Variants in CSMD1 observed in about 807,000 individuals in gnomAD.
CSMD1 encodes CUB and sushi domain-containing protein 1.
CSMD1 carries 213 observed loss-of-function variants against 417.5 expected under a neutral mutation model. The observed-to-expected ratio is 0.51, with a 90% CI of 0.46 to 0.57. The LOEUF (loss-of-function observed/expected upper bound fraction) is 0.57. Among genes scored for constraint, CSMD1 ranks in the 20% least tolerant of loss-of-function variants. The pLI is 0.00. For missense variants in CSMD1, 6,923 were observed against 4,529.7 expected (o/e 1.53, Z -15.17); for synonymous variants, 2,862 against 1,736.8 (o/e 1.65, Z -16.11).
chr8:3,479,863 G>GA (rs999907948), intron 11 of CSMD1, among the ~76,000 whole-genome samples: 9 of 150,896 alleles, frequency 6.0e-5, no homozygotes, highest in African/African-American at 1.7e-4. Flanking sequence ...GCAAACAGAT[G>GA]AAAAAAAACG....
At chr8:4,295,293 T>G in intron 3 of CSMD1, among the ~76,000 whole-genome samples, 1 of 108,518 alleles carries the variant, frequency 9.2e-6, no homozygotes, top group South Asian at 3.4e-4. Flanking sequence ...CATATAATCT[T>G]AAGATTATCT....
chr8:4,729,907 G>C (rs1363971414), intron 1 of CSMD1, among the ~76,000 whole-genome samples: 2 of 152,094 alleles, frequency 1.3e-5, no homozygotes, highest in African/African-American at 2.4e-5. Context: ...ACTTCAGCGG[G>C]AGTTTTGATT....
At chr8:4,237,433 T>C (rs934466346) in intron 3 of CSMD1, among the ~76,000 whole-genome samples, 1 of 152,186 alleles carries the variant, frequency 6.6e-6, no homozygotes, top group African/African-American at 2.4e-5. Flanking sequence ...GAATATTTAA[T>C]ATGTATACCC....
intron 26 of CSMD1, among the ~76,000 whole-genome samples, chr8:3,261,218 A>C (rs1287786071): frequency 6.6e-6 from 1 of 152,226 alleles, no homozygotes; most frequent in African/African-American, 2.4e-5. Flanking sequence ...TAAAATATCA[A>C]ATGTTGCATA....
intron 1 of CSMD1, among the ~76,000 whole-genome samples, chr8:4,950,663 C>T (rs532145735): frequency 3.9e-5 from 6 of 152,104 alleles, no homozygotes; most frequent in East Asian, 1.9e-4. Context: ...CAAGGATTTC[C>T]GGAAAAAGAA....
At chr8:3,225,915 A>G (rs1460362031) in intron 27 of CSMD1, among the ~76,000 whole-genome samples, 2 of 152,244 alleles carry the variant, frequency 1.3e-5, no homozygotes, top group Non-Finnish European at 1.5e-5. Flanking sequence ...AATTCTCCAG[A>G]AGGAATAGAC....
intron 3 of CSMD1, among the ~76,000 whole-genome samples, chr8:4,265,489 A>T (rs1385203817): frequency 3.8e-5 from 4 of 104,716 alleles, no homozygotes; most frequent in African/African-American, 1.0e-4. Flanking sequence ...AAATATTGGA[A>T]CCTGTTTCAA....
Position 3,995,543 on chromosome 8 carries a change from G to C in CSMD1, c.818+2360C>G, listed in dbSNP as rs185022357. Among the ~76,000 whole-genome samples, 42 of 152,278 alleles carry C rather than the reference G, an allele frequency of 2.8e-4. 1 individual carries two copies. In the South Asian group the frequency reaches 5.2e-3, roughly 19 times the overall value. On this transcript the variant is annotated intron_variant, in intron 5 of 69. Transcript: ENST00000635120. ...TCAGACCTGGACTACACTGACTGAG[G>C]GGCTATACATAGAGAGAAGAAAATG...
intron 5 of CSMD1, among the ~76,000 whole-genome samples, chr8:3,864,509 G>A (rs113842061): frequency 0.061 from 9,221 of 152,212 alleles, 652 homozygotes; most frequent in African/African-American, 0.17. Context: ...GGGTACATGT[G>A]CACAACGTGC....
intron 7 of CSMD1, among the ~76,000 whole-genome samples, chr8:3,686,759 C>T (rs1200643957): frequency 6.6e-6 from 1 of 152,212 alleles, no homozygotes; most frequent in Non-Finnish European, 1.5e-5. Context: ...TTGTCCAAGC[C>T]AGTCTATCAG....
rs1452567721 is a variant in CSMD1 at position 4,806,871 on chromosome 8, A to C, written c.86-169313T>G. Among the ~76,000 whole-genome samples the C allele has an allele frequency of 1.3e-5, 2 of 152,184 alleles. 1 individual carries two copies. Among genetic ancestry groups the C allele is most frequent in the African/African-American group, 4.8e-5 (2 of 41,458 alleles). On this transcript the variant is annotated intron_variant, in intron 1 of 69. Transcript: ENST00000635120. ...AAAAAAATAATAAAACTGCAGCCTG[A>C]AAGATGGTCTTACCCTTCCTAGGAG... is the stretch of plus-strand genomic sequence containing the variant.
At chr8:4,041,202 A>G (rs530927391) in intron 3 of CSMD1, among the ~76,000 whole-genome samples, 1 of 151,864 alleles carries the variant, frequency 6.6e-6, no homozygotes, top group Admixed American at 6.5e-5. Flanking sequence ...TATTTTTGGT[A>G]GAGACGGGGT....
intron 8 of CSMD1, among the ~76,000 whole-genome samples, chr8:3,608,520 T>A (rs1801730395): frequency 6.6e-6 from 1 of 152,032 alleles, no homozygotes; most frequent in African/African-American, 2.4e-5. Flanking sequence ...TCCCAGCACT[T>A]AGGGAGGCCA....
chr8:4,888,933 G>A (rs1432390028), intron 1 of CSMD1, among the ~76,000 whole-genome samples: 4 of 152,094 alleles, frequency 2.6e-5, no homozygotes, highest in African/African-American at 4.8e-5. Flanking sequence ...TAATGAATGA[G>A]GAGAAGGGAA....
intron 9 of CSMD1, among the ~76,000 whole-genome samples, chr8:3,578,183 T>C (rs756086024): frequency 5.9e-5 from 9 of 152,178 alleles, no homozygotes; most frequent in African/African-American, 9.7e-5. Flanking sequence ...ATGTCTACCA[T>C]ATGTTACGCT....
chr8:3,369,345 C>T lies in CSMD1; in HGVS notation c.2808G>A (p.Gly936=), dbSNP rs372695718. The part of the protein sequence containing the change: ...CDALCGGYIQ[G]KSGTVLSPGF... ...CAGGAGAAAGGACTGTTCCACTCTT[C>T]CCTTGGATGTAGCCTCCACATAGAG... Residue 936 remains glycine, a synonymous_variant, in exon 19 of 70, where the codon GGG becomes GGA. Coordinates refer to ENST00000635120, the MANE Select transcript of CSMD1 (RefSeq NM_033225.6). 22 of 1,592,056 alleles carry T rather than the reference C, an allele frequency of 1.4e-5. No homozygotes were observed. Among genetic ancestry groups the T allele is most frequent in the East Asian group, 4.5e-5 (2 of 44,740 alleles).
chr8:4,529,875 T>TG (rs1172662449), intron 2 of CSMD1, among the ~76,000 whole-genome samples: 2 of 137,050 alleles, frequency 1.5e-5, no homozygotes, highest in East Asian at 4.0e-4. Flanking sequence ...CTGCCATTGT[T>TG]TTTTTTTTTT....
At chr8:3,531,774 C>T (rs1015588708) in intron 10 of CSMD1, among the ~76,000 whole-genome samples, 20 of 152,212 alleles carry the variant, frequency 1.3e-4, no homozygotes, top group Non-Finnish European at 2.8e-4. Flanking sequence ...GAAGATCGGG[C>T]TGCAAACATA....
intron 5 of CSMD1, among the ~76,000 whole-genome samples, chr8:3,794,273 C>G (rs1041691658): frequency 6.6e-6 from 1 of 152,160 alleles, no homozygotes; most frequent in Non-Finnish European, 1.5e-5. Flanking sequence ...AGCTACTTCC[C>G]TTAGTATTCC....
Sources: gnomAD v4.1 joint callset for allele counts (sites outside exome capture counted in the v4.1 genomes callset) on GRCh38, gnomAD v4.1.1 for gene constraint, MANE v1.5 for transcripts, NCBI Gene and HGNC (gene_info 2026-07-23, HGNC 2026-07-21) for gene names.